The following SLC24A3 variants were observed in gnomAD, a reference collection of about 807,000 sequenced individuals.
SLC24A3 encodes the protein sodium/potassium/calcium exchanger 3.
Under a neutral mutation model 75.8 loss-of-function variants are expected in SLC24A3, and 28 were observed. The ratio of observed to expected loss-of-function variants is 0.37; its 90% confidence interval spans 0.27 to 0.51. The LOEUF is 0.51. SLC24A3 is among the 20% of genes least tolerant of loss of function. The pLI, the probability that SLC24A3 is intolerant of heterozygous loss-of-function variation, is 0.94. For missense variants in SLC24A3, 663 were observed against 847.8 expected, an observed-to-expected ratio of 0.78 and a Z score of 2.71; for synonymous variants, 372 against 334.1, an observed-to-expected ratio of 1.11 and a Z score of -1.24.
intron 2 of SLC24A3, among the ~76,000 whole-genome samples, chr20:19,340,184 T>C (rs774066704): frequency 3.3e-5 from 5 of 152,214 alleles, no homozygotes; most frequent in Admixed American, 6.5e-5. Context: ...AAAATGAGTT[T>C]ATTAGTATCG....
intron 2 of SLC24A3, among the ~76,000 whole-genome samples, chr20:19,432,296 TTATA>T (rs1216001984): frequency 6.8e-6 from 1 of 147,414 alleles, no homozygotes; most frequent in Admixed American, 6.8e-5. Context: ...ATATATAAGA[TTATA>T]TATATATAAT....
chr20:19,443,833 A>G (rs1272476921), intron 2 of SLC24A3, among the ~76,000 whole-genome samples: 1 of 152,134 alleles, frequency 6.6e-6, no homozygotes, highest in African/African-American at 2.4e-5. Context: ...TGCTCTACCC[A>G]TAATTGCCTT....
Position 19,696,868 on chromosome 20 carries a change from C to G in SLC24A3, c.1563C>G (p.Thr521=). Residue 521 remains threonine, a synonymous_variant, in exon 14 of 17, where the codon ACC becomes ACG. Coordinates refer to ENST00000328041, the MANE Select transcript of SLC24A3 (RefSeq NM_020689.4). ...GGATCACCTTCCTGGCTGCTGGGAC[C>G]AGCGTGCCTGACTGCATGGCCAGCC... ...IMGITFLAAG[T]SVPDCMASLI... The G allele has an allele frequency of 1.2e-6, 2 of 1,613,422 alleles. No individual in the cohort carries two copies. Among genetic ancestry groups the G allele is most frequent in the African/African-American group, 1.3e-5 (1 of 74,850 alleles).
chr20:19,342,578 T>A (rs148869532), intron 2 of SLC24A3, among the ~76,000 whole-genome samples: 16 of 152,324 alleles, frequency 1.1e-4, no homozygotes, highest in African/African-American at 3.4e-4. Context: ...CTGTTTTAGG[T>A]GCAAAAAGCA....
At chr20:19,564,350 G>A (rs1472192434) in intron 3 of SLC24A3, among the ~76,000 whole-genome samples, 3 of 152,142 alleles carry the variant, frequency 2.0e-5, no homozygotes, top group Admixed American at 6.6e-5. Context: ...AAACAGGATT[G>A]AAGTCCCATC....
At chr20:19,444,739 T>C (rs936931912) in intron 2 of SLC24A3, among the ~76,000 whole-genome samples, 3 of 152,186 alleles carry the variant, frequency 2.0e-5, no homozygotes, top group African/African-American at 7.2e-5. Context: ...TTGATCAATT[T>C]TATTGTCCTT....
chr20:19,413,612 TC>T (rs1433820398), intron 2 of SLC24A3, among the ~76,000 whole-genome samples: 10 of 151,986 alleles, frequency 6.6e-5, no homozygotes, highest in Admixed American at 2.6e-4. Context: ...CCTTTCACTT[TC>T]CCCCCAACCT....
intron 1 of SLC24A3, among the ~76,000 whole-genome samples, chr20:19,222,792 C>CCTTCCTTCCTTT (rs1981758642): frequency 7.6e-6 from 1 of 131,732 alleles, no homozygotes; most frequent in Admixed American, 7.9e-5. Flanking sequence ...TCCCTTCCTT[C>CCTTCCTTCCTTT]CTTCCTTCCT....
intron 2 of SLC24A3, among the ~76,000 whole-genome samples, chr20:19,495,016 G>A (rs6106086): frequency 0.17 from 26,253 of 152,114 alleles, 2,755 homozygotes; most frequent in African/African-American, 0.29. Context: ...CCAGCCTCAG[G>A]TGGATCCCAG....
At chr20:19,255,724 A>G (rs945420327) in intron 1 of SLC24A3, among the ~76,000 whole-genome samples, 14 of 152,244 alleles carry the variant, frequency 9.2e-5, no homozygotes, top group African/African-American at 3.4e-4. Context: ...GTCGCTTGCT[A>G]GATGAGATGT....
chr20:19,437,828 C>A (rs966947054), intron 2 of SLC24A3, among the ~76,000 whole-genome samples: 7 of 152,188 alleles, frequency 4.6e-5, no homozygotes, highest in Non-Finnish European at 8.8e-5. Flanking sequence ...CCACCCTGTT[C>A]CCCCTGCTCT....
chr20:19,291,532 A>T (rs1983941421), intron 2 of SLC24A3, among the ~76,000 whole-genome samples: 1 of 152,246 alleles, frequency 6.6e-6, no homozygotes, highest in Admixed American at 6.5e-5. Context: ...TTAAATAGGT[A>T]CATGTCTAGG....
At chr20:19,521,145 T>A (rs2030090497) in intron 3 of SLC24A3, among the ~76,000 whole-genome samples, 1 of 152,092 alleles carries the variant, frequency 6.6e-6, no homozygotes, top group Non-Finnish European at 1.5e-5. Context: ...TTTGCCTCCC[T>A]CCCTCCCCAC....
chr20:19,624,029 C>A (rs2031837979), intron 6 of SLC24A3, among the ~76,000 whole-genome samples: 1 of 152,220 alleles, frequency 6.6e-6, no homozygotes, highest in Non-Finnish European at 1.5e-5. Context: ...CCAAGGCACA[C>A]CCCTTTCTCA....
At chr20:19,380,360 C>A (rs1986159507) in intron 2 of SLC24A3, among the ~76,000 whole-genome samples, 3 of 152,136 alleles carry the variant, frequency 2.0e-5, no homozygotes, top group Admixed American at 1.3e-4. Flanking sequence ...AGAGACCCGG[C>A]AATACTAGTC....
At chr20:19,266,714 G>A (rs1012449542) in intron 1 of SLC24A3, among the ~76,000 whole-genome samples, 17 of 152,156 alleles carry the variant, frequency 1.1e-4, no homozygotes, top group African/African-American at 4.1e-4. Flanking sequence ...GTTTGCAGGG[G>A]CAAATATATT....
Position 19,525,197 on chromosome 20 carries a change from A to G in SLC24A3, c.348+9633A>G, listed in dbSNP as rs116517021. ...TCAAGCTTAAGAAGAATCTGATCTT[A>G]CAGCAGAGAAGCTTCCCTATCCCAG... On this transcript the variant is annotated intron_variant, in intron 3 of 16. Coordinates refer to ENST00000328041, the MANE Select transcript of SLC24A3 (RefSeq NM_020689.4). Among the ~76,000 whole-genome samples the G allele has an allele frequency of 8.7e-3, 1,328 of 152,282 alleles. 15 individuals are homozygous for G. The highest frequency in any genetic ancestry group is 0.03 in the African/African-American group (1,266 of 41,550).
At chr20:19,469,162 G>A (rs563673244) in intron 2 of SLC24A3, among the ~76,000 whole-genome samples, 14 of 152,156 alleles carry the variant, frequency 9.2e-5, no homozygotes, top group East Asian at 1.9e-4. Context: ...TGACAGAAGC[G>A]GACGGATGAG....
At chr20:19,623,959 C>A (rs910622646) in intron 6 of SLC24A3, among the ~76,000 whole-genome samples, 5 of 152,206 alleles carry the variant, frequency 3.3e-5, no homozygotes, top group African/African-American at 1.2e-4. Flanking sequence ...AGCATGCTTT[C>A]TTCTCCACAA....
Sources: gnomAD v4.1 joint callset for allele counts (sites outside exome capture counted in the v4.1 genomes callset) on GRCh38, gnomAD v4.1.1 for gene constraint, MANE v1.5 for transcripts, NCBI Gene and HGNC (gene_info 2026-07-23, HGNC 2026-07-21) for gene names.